The following RERG variants were observed in gnomAD, a reference collection of about 807,000 sequenced individuals.
RERG encodes ras-related and estrogen-regulated growth inhibitor.
A neutral mutation model predicts 23.2 loss-of-function variants in RERG; 25 were observed. The observed-to-expected ratio is 1.08, with a 90% CI of 0.79 to 1.50. The LOEUF (loss-of-function observed/expected upper bound fraction) is 1.50, where lower values mean the gene tolerates loss of function less well. Ranked by LOEUF, RERG falls within the 40% of genes most tolerant of loss-of-function variation. The probability of loss-of-function intolerance (pLI) is 0.00; values close to 1 mark genes in which losing one functional copy is unlikely to be tolerated. For missense variants in RERG, 253 were observed against 250.1 expected (o/e 1.01, Z -0.08); for synonymous variants, 81 against 89.1 (o/e 0.91, Z 0.51).
intron 2 of RERG, among the ~76,000 whole-genome samples, chr12:15,156,877 T>A (rs1382237133): frequency 1.3e-5 from 2 of 152,204 alleles, no homozygotes; most frequent in Admixed American, 6.5e-5. Flanking sequence ...TAAGCCTGTA[T>A]CTGAGCTACA....
chr12:15,192,157 T>C (rs527734557), intron 2 of RERG, among the ~76,000 whole-genome samples: 3 of 152,254 alleles, frequency 2.0e-5, no homozygotes, highest in Admixed American at 2.0e-4. Context: ...GGCCTCGCGA[T>C]AGTAAGTGAC....
intron 2 of RERG, among the ~76,000 whole-genome samples, chr12:15,129,160 C>G (rs897763430): frequency 6.6e-6 from 1 of 151,772 alleles, no homozygotes; most frequent in Admixed American, 6.6e-5. Flanking sequence ...TGGCTGAGAC[C>G]AAGATTATGC....
chr12:15,176,447 G>A (rs918128217), intron 2 of RERG, among the ~76,000 whole-genome samples: 1 of 151,908 alleles, frequency 6.6e-6, no homozygotes, highest in Non-Finnish European at 1.5e-5. Context: ...GTGGTACCCA[G>A]AGCCAGACAT....
At position 15,109,144 on chromosome 12, in the gene RERG, G is replaced by T. The variant is rs767888721; in HGVS notation, c.566C>A (p.Ala189Asp). 3 of 1,601,518 alleles carry T rather than the reference G, an allele frequency of 1.9e-6. No homozygotes were observed. The highest frequency in any genetic ancestry group is 3.5e-5 in the Admixed American group (2 of 57,950). Residue 189 changes from alanine to aspartate, a missense_variant, in exon 5 of 5, where the codon GCC becomes GAC. Physicochemically the swap from Ala to Asp is moderately radical, Grantham distance 126. Transcript: ENST00000256953. Reference sequence around the variant, plus strand: ...GATTTTGGTGAGCATCTTGTTAATGGCTTGCTTGACATGCGTGGTGGAGCT... The same window carrying T: ...GATTTTGGTGAGCATCTTGTTAATGTCTTGCTTGACATGCGTGGTGGAGCT... ...RRSSTTHVKQAINKMLTKISS is the reference protein window; with the variant it reads ...RRSSTTHVKQDINKMLTKISS
chr12:15,166,497 T>TGGTGGG (rs1565525962), intron 2 of RERG, among the ~76,000 whole-genome samples: 11 of 149,250 alleles, frequency 7.4e-5, no homozygotes, highest in Admixed American at 1.3e-4. Flanking sequence ...ATGATGATGA[T>TGGTGGG]GATGGGGATG....
chr12:15,118,626 T>C (rs1863774829), intron 3 of RERG, among the ~76,000 whole-genome samples: 1 of 152,156 alleles, frequency 6.6e-6, no homozygotes, highest in South Asian at 2.1e-4. Context: ...TGGTTTCTCA[T>C]GGTTTAACAC....
chr12:15,130,401 C>T (rs553766195), intron 2 of RERG, among the ~76,000 whole-genome samples: 31 of 152,304 alleles, frequency 2.0e-4, no homozygotes, highest in African/African-American at 7.2e-4. Flanking sequence ...TCCACCTAAA[C>T]TCCTCAGATG....
intron 2 of RERG, among the ~76,000 whole-genome samples, chr12:15,172,023 C>A (rs1864784688): frequency 6.6e-6 from 1 of 152,082 alleles, no homozygotes; most frequent in African/African-American, 2.4e-5. Flanking sequence ...TTTAAGTGTA[C>A]AATTCAATGG....
Position 15,113,308 on chromosome 12 carries a change from GA to G in RERG, c.119-1892del, listed in dbSNP as rs199851425. Among the ~76,000 whole-genome samples, 929 of 151,852 alleles carry G rather than the reference GA, an allele frequency of 6.1e-3. 6 individuals carry two copies. The highest frequency in any genetic ancestry group is 0.021 in the African/African-American group (886 of 41,462). On this transcript the variant is annotated intron_variant, in intron 3 of 4. Transcript: ENST00000256953. ...AGATAATATAAGAAAAGAAATAAAA[GA>G]AAAAACATCATGAAAAAGAAAACAA...
At chr12:15,191,982 CT>C (rs1306416091) in intron 2 of RERG, among the ~76,000 whole-genome samples, 1 of 152,070 alleles carries the variant, frequency 6.6e-6, no homozygotes, top group Non-Finnish European at 1.5e-5. Flanking sequence ...ATGGTAAGCA[CT>C]ATCTTGTCAT....
intron 3 of RERG, among the ~76,000 whole-genome samples, chr12:15,117,004 C>T (rs1157969013): frequency 6.6e-6 from 1 of 152,098 alleles, no homozygotes; most frequent in Non-Finnish European, 1.5e-5. Context: ...AGTTACACTT[C>T]AATTTCACTG....
chr12:15,147,255 A>G (rs925354470), intron 2 of RERG, among the ~76,000 whole-genome samples: 5 of 152,216 alleles, frequency 3.3e-5, no homozygotes, highest in African/African-American at 2.4e-5. Context: ...ACCTTACATT[A>G]ATATTAGAAA....
intron 2 of RERG, among the ~76,000 whole-genome samples, chr12:15,141,478 C>G (rs1244843318): frequency 6.6e-6 from 1 of 152,078 alleles, no homozygotes; most frequent in Non-Finnish European, 1.5e-5. Flanking sequence ...AGCATAATAT[C>G]CTTTTGATTT....
Position 15,221,334 on chromosome 12 carries a change from G to A in RERG, c.-254C>T, listed in dbSNP as rs1005757241. 1 of 152,276 alleles carries A rather than the reference G, an allele frequency of 6.6e-6. No homozygotes were observed. The highest frequency in any genetic ancestry group is 2.4e-5 in the African/African-American group (1 of 41,478). 9.4% of individuals were successfully genotyped at this position (152,276 alleles called of 1,614,324 possible). A position where few individuals can be genotyped will look rare whatever the true frequency, so the allele number is the denominator to read the frequency against. ...GAGTTGCTGGGCTGCGGTCGTGGGT[G>A]GGACTCGCCGCAGAAGCAAGTGCCA... is the stretch of plus-strand genomic sequence containing the variant. On this transcript the variant is annotated 5_prime_UTR_variant, in exon 1 of 5. Coordinates refer to ENST00000256953, the MANE Select transcript of RERG (RefSeq NM_032918.3).
At chr12:15,141,073 G>A (rs1203619280) in intron 2 of RERG, among the ~76,000 whole-genome samples, 2 of 151,438 alleles carry the variant, frequency 1.3e-5, no homozygotes, top group Non-Finnish European at 2.9e-5. Context: ...TAGATACCCA[G>A]TGTGGAGAGT....
intron 2 of RERG, among the ~76,000 whole-genome samples, chr12:15,161,920 T>C (rs888798595): frequency 1.3e-5 from 2 of 152,202 alleles, no homozygotes; most frequent in Admixed American, 6.5e-5. Flanking sequence ...TTAAGTCTTA[T>C]GAAGCTTAAA....
At chr12:15,115,688 C>T (rs1387300829) in intron 3 of RERG, among the ~76,000 whole-genome samples, 3 of 152,052 alleles carry the variant, frequency 2.0e-5, no homozygotes, top group Admixed American at 6.6e-5. Flanking sequence ...GCCTGTAAGC[C>T]GGTGGTTTTG....
chr12:15,146,450 C>A (rs908182647), intron 2 of RERG, among the ~76,000 whole-genome samples: 1 of 152,154 alleles, frequency 6.6e-6, no homozygotes, highest in African/African-American at 2.4e-5. Context: ...TGATAAATTA[C>A]ATAGTCACTC....
intron 2 of RERG, among the ~76,000 whole-genome samples, chr12:15,134,046 G>T (rs1009082975): frequency 2.6e-5 from 4 of 151,710 alleles, no homozygotes; most frequent in African/African-American, 7.3e-5. Flanking sequence ...CCAGTCTGTG[G>T]CTTGTCTTAT....
Sources: gnomAD v4.1 joint callset for allele counts (sites outside exome capture counted in the v4.1 genomes callset) on GRCh38, gnomAD v4.1.1 for gene constraint, MANE v1.5 for transcripts, NCBI Gene and HGNC (gene_info 2026-07-23, HGNC 2026-07-21) for gene names.